Variants in CHRM2 observed in about 807,000 individuals in gnomAD.
The protein encoded by CHRM2 is cholinergic receptor muscarinic 2, also known as muscarinic acetylcholine receptor M2.
In CHRM2, 8 loss-of-function variants were observed where a neutral mutation model predicts 25.0. That is an observed-to-expected ratio of 0.32 (90% CI 0.19 to 0.58). CHRM2 has a LOEUF of 0.58. Ranked by LOEUF, CHRM2 falls within the 20% of genes least tolerant of loss-of-function variation. The pLI is 0.88. For missense variants in CHRM2, 440 were observed against 567.1 expected, an observed-to-expected ratio of 0.78 and a Z score of 2.28; for synonymous variants, 202 against 205.7, an observed-to-expected ratio of 0.98 and a Z score of 0.15.
intron 2 of CHRM2, among the ~76,000 whole-genome samples, chr7:136,947,988 G>A (rs548541644): frequency 1.3e-5 from 2 of 152,320 alleles, no homozygotes; most frequent in Admixed American, 6.5e-5. Flanking sequence ...TTTGGAGGGA[G>A]AGATGACTTC....
chr7:137,015,749 A>C lies in CHRM2; in HGVS notation c.884A>C (p.Asn295Thr). The C allele has an allele frequency of 6.2e-7, 1 of 1,613,230 alleles. No individual in the cohort carries two copies. Among genetic ancestry groups the C allele is most frequent in the Non-Finnish European group, 8.5e-7 (1 of 1,179,518 alleles). The change falls in exon 4 of 4, where the codon AAT (asparagine) becomes ACT (threonine). Residue 295 changes from asparagine (N) to threonine (T), a missense_variant. This residue lies in a region of CHRM2 where 261 missense variants were observed against 261.8 expected (regional missense o/e 1.00). Coordinates refer to ENST00000680005, the MANE Select transcript of CHRM2 (RefSeq NM_001006630.2). The surrounding 1 kb of genome is among the most constrained non-coding windows in gnomAD (Gnocchi z 5.1). ...ACCTCAGTCAGTGCTGTTGCCTCTA[A>C]TATGAGAGATGATGAAATAACCCAG... Reference protein sequence around the residue: ...DSTSVSAVASNMRDDEITQDE... With the variant: ...DSTSVSAVASTMRDDEITQDE...
chr7:136,982,670 G>C (rs937860260), intron 2 of CHRM2, among the ~76,000 whole-genome samples: 1 of 152,088 alleles, frequency 6.6e-6, no homozygotes, highest in Admixed American at 6.5e-5. Flanking sequence ...TTGCTTGTAT[G>C]TAAAGGATTT....
chr7:137,011,196 T>TAC, intron 3 of CHRM2, among the ~76,000 whole-genome samples: 1 of 129,712 alleles, frequency 7.7e-6, no homozygotes, highest in African/African-American at 3.7e-5. Context: ...TATGTGTACG[T>TAC]GTGTGTGTGT....
At chr7:137,012,587 C>A (rs139428397) in intron 3 of CHRM2, among the ~76,000 whole-genome samples, 1 of 152,094 alleles carries the variant, frequency 6.6e-6, no homozygotes, top group African/African-American at 2.4e-5. Context: ...TAACTTTCCA[C>A]AGCAATGCCA....
chr7:136,894,544 G>A (rs941110555), intron 2 of CHRM2, among the ~76,000 whole-genome samples: 1 of 151,964 alleles, frequency 6.6e-6, no homozygotes, highest in East Asian at 1.9e-4. Context: ...ACTAATTTTT[G>A]TATTTTTAGT....
chr7:136,870,642 A>T (rs888516082), intron 2 of CHRM2: 4 of 152,666 alleles, frequency 2.6e-5, no homozygotes, highest in African/African-American at 9.6e-5. Context: ...AAATACCAGC[A>T]GGGAGGTTCG....
At chr7:136,984,693 G>C (rs324626) in intron 2 of CHRM2, among the ~76,000 whole-genome samples, 32,065 of 151,964 alleles carry the variant, frequency 0.21, 3,431 homozygotes, top group East Asian at 0.33. Flanking sequence ...CCCTTGGCTA[G>C]AGGAAGGAGT....
Position 136,932,172 on chromosome 7 carries a change from G to A in CHRM2, c.-124-60015G>A, listed in dbSNP as rs184429519. ...AAAAAGGACTATAAGGGAATACAGC[G>A]CACAACTGTTTGTCAACCAGGTAGG... is the stretch of plus-strand genomic sequence containing the variant. On this transcript the variant is annotated intron_variant, in intron 2 of 3. Transcript: ENST00000680005. Among the ~76,000 whole-genome samples, 453 of 152,234 alleles carry A rather than the reference G, an allele frequency of 3.0e-3. 2 individuals carry two copies. The highest frequency in any genetic ancestry group is 1.0e-2 in the African/African-American group (414 of 41,540).
chr7:137,002,307 C>G (rs916197564), intron 3 of CHRM2, among the ~76,000 whole-genome samples: 1 of 152,116 alleles, frequency 6.6e-6, no homozygotes, highest in Admixed American at 6.6e-5. Context: ...AGATCATGCT[C>G]TAAGCACTCA....
intron 2 of CHRM2, among the ~76,000 whole-genome samples, chr7:136,900,569 G>C (rs1353990791): frequency 1.3e-5 from 2 of 152,010 alleles, no homozygotes; most frequent in East Asian, 3.9e-4. Context: ...GATGTGAAAA[G>C]GGAAGAAGAG....
chr7:136,889,070 A>AG (rs1796591424), intron 2 of CHRM2, among the ~76,000 whole-genome samples: 1 of 149,336 alleles, frequency 6.7e-6, no homozygotes, highest in East Asian at 1.9e-4. Flanking sequence ...AAAAAAAAAA[A>AG]AAAGTAATTA....
intron 2 of CHRM2, chr7:136,902,011 A>T (rs1197983905): frequency 6.6e-6 from 1 of 152,070 alleles, no homozygotes. Context: ...TCTATAAAAA[A>T]AAATGATAAG....
At chr7:136,932,063 G>T (rs1020638420) in intron 2 of CHRM2, among the ~76,000 whole-genome samples, 4 of 152,094 alleles carry the variant, frequency 2.6e-5, no homozygotes, top group African/African-American at 7.2e-5. Context: ...GATCTGTGTA[G>T]GTTGTATTTG....
intron 2 of CHRM2, among the ~76,000 whole-genome samples, chr7:136,934,978 G>T: frequency 6.6e-6 from 1 of 152,054 alleles, no homozygotes; most frequent in Non-Finnish European, 1.5e-5. Flanking sequence ...ACTGTAAGAT[G>T]CATTAATGAA....
intron 2 of CHRM2, among the ~76,000 whole-genome samples, chr7:136,883,805 T>C (rs1796356871): frequency 6.6e-6 from 1 of 152,122 alleles, no homozygotes; most frequent in Non-Finnish European, 1.5e-5. Flanking sequence ...TGAGCGACTG[T>C]CAAAACTTTA....
chr7:136,940,659 A>T (rs999409970), intron 2 of CHRM2, among the ~76,000 whole-genome samples: 1 of 152,342 alleles, frequency 6.6e-6, no homozygotes, highest in East Asian at 1.9e-4. Flanking sequence ...AGTAGGATGC[A>T]TAAAAATAAT....
chr7:136,943,785 C>A (rs1006682381), intron 2 of CHRM2, among the ~76,000 whole-genome samples: 1 of 152,000 alleles, frequency 6.6e-6, no homozygotes, highest in Non-Finnish European at 1.5e-5. Context: ...CCATAGCTCA[C>A]TTATGGAGGA....
chr7:136,937,852 T>A (rs1236198089), intron 2 of CHRM2, among the ~76,000 whole-genome samples: 8 of 152,148 alleles, frequency 5.3e-5, no homozygotes, highest in Non-Finnish European at 1.2e-4. Flanking sequence ...AGAACTCAAA[T>A]TTTCTTTCAC....
chr7:136,938,626 C>A, intron 2 of CHRM2: 1 of 860,262 alleles, frequency 1.2e-6, no homozygotes. Context: ...GGGAGAAGCT[C>A]GAGGAGCTCA....
Sources: allele counts gnomAD v4.1 joint callset (sites outside exome capture counted in the v4.1 genomes callset), GRCh38; gene constraint gnomAD v4.1.1; regional missense constraint gnomAD v4.1.1; non-coding constraint Gnocchi (gnomAD v3.1); transcripts MANE v1.5; gene names NCBI Gene and HGNC (gene_info 2026-07-23, HGNC 2026-07-21).